The following ZNF45 variants were observed in gnomAD, a reference collection of about 807,000 sequenced individuals.
ZNF45 encodes the protein zinc finger protein 45, also known as BRC1744.
ZNF45 carries 4 observed loss-of-function variants against 12.0 expected under a neutral mutation model. The ratio of observed to expected loss-of-function variants is 0.33; its 90% CI spans 0.16 to 0.76. The LOEUF (loss-of-function observed/expected upper bound fraction) is 0.76, where lower values mean the gene tolerates loss of function less well. Among genes scored for constraint, ZNF45 ranks in the 30% least tolerant of loss-of-function variants. The pLI, the probability that ZNF45 is intolerant of heterozygous loss-of-function variation, is 0.60. For synonymous variants in ZNF45, 272 were observed against 279.6 expected (o/e 0.97, Z 0.27); for missense variants, 700 against 813.0 (o/e 0.86, Z 1.69).
chr19:43,933,596 A>T (rs1256360949), intron 2 of ZNF45, among the ~76,000 whole-genome samples: 1 of 152,248 alleles, frequency 6.6e-6, no homozygotes, highest in Admixed American at 6.5e-5. Flanking sequence ...GAATGGAAGC[A>T]GGGTGACTGT....
intron 6 of ZNF45, among the ~76,000 whole-genome samples, chr19:43,923,298 C>A (rs2147008502): frequency 6.6e-6 from 1 of 152,188 alleles, no homozygotes; most frequent in South Asian, 2.1e-4. Context: ...GTTTCAGTTA[C>A]CTGAAGTCAA....
chr19:43,921,305 A>C (rs1973155432), intron 7 of ZNF45, among the ~76,000 whole-genome samples: 1 of 152,252 alleles, frequency 6.6e-6, no homozygotes, highest in Admixed American at 6.5e-5. Context: ...AAATACAGTA[A>C]GAGAAGTATC....
intron 9 of ZNF45, among the ~76,000 whole-genome samples, chr19:43,917,364 G>T (rs11881193): frequency 0.37 from 56,038 of 152,102 alleles, 11,483 homozygotes; most frequent in South Asian, 0.54. Context: ...CAAACAAATT[G>T]TTCAAATAGA....
Position 43,915,322 on chromosome 19 carries a change from C to T in ZNF45, c.236-122G>A, listed in dbSNP as rs547692232. 12 of 995,498 alleles carry T rather than the reference C, an allele frequency of 1.2e-5. No homozygotes were observed. The African/African-American group carries it at 1.8e-4, about 15-fold the overall frequency. 61.7% of individuals were successfully genotyped at this position (995,498 alleles called of 1,614,324 possible). ...ATTGAACCAGGAGAAGGTTCCATTG[C>T]CTACTGCATAGACATCTGAACAAAG... On this transcript the variant is annotated intron_variant, in intron 9 of 9. Transcript: ENST00000269973.
chr19:43,920,820 T>G (rs57491437), intron 7 of ZNF45, among the ~76,000 whole-genome samples: 1 of 151,976 alleles, frequency 6.6e-6, no homozygotes, highest in Non-Finnish European at 1.5e-5. Flanking sequence ...CAGGCTGGTC[T>G]CGAACTCCTG....
chr19:43,917,419 T>C (rs1467215965), intron 9 of ZNF45, among the ~76,000 whole-genome samples: 3 of 152,224 alleles, frequency 2.0e-5, no homozygotes, highest in Non-Finnish European at 4.4e-5. Flanking sequence ...GATAAATGTG[T>C]TTCCTTTAAG....
chr19:43,923,664 T>C (rs2147024411), intron 6 of ZNF45, among the ~76,000 whole-genome samples: 1 of 152,210 alleles, frequency 6.6e-6, no homozygotes, highest in East Asian at 1.9e-4. Context: ...TTTTAAGTGG[T>C]TACATTCAGT....
intron 9 of ZNF45, among the ~76,000 whole-genome samples, 187 bp from the exon 10 acceptor site, chr19:43,915,387 A>C (rs1336075954): frequency 6.6e-6 from 1 of 152,250 alleles, no homozygotes; most frequent in Non-Finnish European, 1.5e-5. Flanking sequence ...CCTACACATA[A>C]ATTTTCAAAA....
intron 7 of ZNF45, among the ~76,000 whole-genome samples, chr19:43,920,633 C>T (rs1386681230): frequency 1.7e-5 from 2 of 118,008 alleles, no homozygotes; most frequent in African/African-American, 6.2e-5. Flanking sequence ...CAGAGCCTTG[C>T]TCTGTTCCCC....
Position 43,913,683 on chromosome 19 carries a change from G to A in ZNF45, c.1753C>T (p.Arg585Ter), listed in dbSNP as rs745419190. The change falls in exon 10 of 10, where the codon CGA becomes TGA. Residue 585 changes from arginine (R) to a stop codon, truncating the protein, a stop_gained. Transcript: ENST00000269973. LOFTEE classifies it high-confidence loss of function. ...RGVHTGEKPY[R>*]CDVCGKRFRQ... ...AAGCGCTTACCACACACATCACATC[G>A]GTATGGTTTTTCTCCTGTGTGGACT... The A allele has an allele frequency of 1.2e-5, 19 of 1,611,186 alleles. No individual in the cohort carries two copies. Among genetic ancestry groups the A allele is most frequent in the Middle Eastern group, 3.3e-4 (2 of 6,060 alleles).
chr19:43,916,311 T>G (rs1972668775), intron 9 of ZNF45, among the ~76,000 whole-genome samples: 1 of 152,126 alleles, frequency 6.6e-6, no homozygotes, highest in Admixed American at 6.5e-5. Context: ...AGATGGGGTT[T>G]CACCATCTTG....
Position 43,912,912 on chromosome 19 carries a change from A to T in ZNF45, c.*475T>A, listed in dbSNP as rs376999318. Reference sequence around the variant, plus strand: ...ATGGGAAAATCAGGCCATATGACTAACTTATATATCCTCCAAGCCTTGCAG... The same window carrying T: ...ATGGGAAAATCAGGCCATATGACTATCTTATATATCCTCCAAGCCTTGCAG... On this transcript the variant is annotated 3_prime_UTR_variant, in exon 10 of 10. Coordinates refer to ENST00000269973, the MANE Select transcript of ZNF45 (RefSeq NM_003425.4). The T allele has an allele frequency of 7.2e-5, 11 of 153,156 alleles. No individual in the cohort carries two copies. In the East Asian group the frequency reaches 1.2e-3, roughly 16 times the overall value. 9.5% of individuals were successfully genotyped at this position (153,156 alleles called of 1,614,324 possible).
At chr19:43,927,447 T>C (rs1386064057) in intron 3 of ZNF45, among the ~76,000 whole-genome samples, 2 of 152,166 alleles carry the variant, frequency 1.3e-5, no homozygotes, top group South Asian at 2.1e-4. Flanking sequence ...GTCTACTCTG[T>C]GCCAGCCAAG....
chr19:43,924,795 T>G (rs1469637015), intron 4 of ZNF45, among the ~76,000 whole-genome samples: 1 of 152,222 alleles, frequency 6.6e-6, no homozygotes, highest in African/African-American at 2.4e-5. Context: ...TAATGTCTAA[T>G]CTATAAACTG....
rs768056261 is a variant in ZNF45 at position 43,913,382 on chromosome 19, A to G, written c.*5T>C. 1 of 1,528,860 alleles carries G rather than the reference A, an allele frequency of 6.5e-7. No individual in the cohort carries two copies. The allele number at this position is 1,528,860 out of a possible 1,614,324, so 94.7% of individuals were successfully genotyped here. A position where few individuals can be genotyped will look rare whatever the true frequency, so the allele number is the denominator to read the frequency against. On this transcript the variant is annotated 3_prime_UTR_variant, in exon 10 of 10. Coordinates refer to ENST00000269973, the MANE Select transcript of ZNF45 (RefSeq NM_003425.4). ...CAGCACCCATCTGAGATAGTAAAAC[A>G]TATTTTATCGAGTTTTCCTGTGTGA...
intron 3 of ZNF45, among the ~76,000 whole-genome samples, chr19:43,931,844 T>G (rs1333619502): frequency 6.6e-6 from 1 of 152,240 alleles, no homozygotes; most frequent in African/African-American, 2.4e-5. Context: ...TGATTCTGGC[T>G]CTGCCCCGCT....
intron 9 of ZNF45, 136 bp from the exon 10 acceptor site, chr19:43,915,336 A>G (rs1972553906): frequency 1.2e-6 from 1 of 862,318 alleles, no homozygotes. Context: ...CTGCATAGAC[A>G]TCTGAACAAA....
chr19:43,930,634 A>G (rs1974060082), intron 3 of ZNF45, among the ~76,000 whole-genome samples: 1 of 152,166 alleles, frequency 6.6e-6, no homozygotes, highest in South Asian at 2.1e-4. Flanking sequence ...ATGCCCCTAG[A>G]GCTCTCTATA....
chr19:43,935,265 C>T lies in ZNF45; in HGVS notation c.-1097G>A, dbSNP rs1204712089. On this transcript the variant is annotated 5_prime_UTR_variant, in exon 1 of 10. Coordinates refer to ENST00000269973, the MANE Select transcript of ZNF45 (RefSeq NM_003425.4). ...GGAATGAAGGCCGCGCTCTCAACCT[C>T]TTGCCGCGGAAGTGCCCGGGAGAGC... is the stretch of plus-strand genomic sequence containing the variant. 1.3e-5 allele frequency: 2 copies of T among 152,298 alleles called. No homozygotes were observed. The highest frequency in any genetic ancestry group is 4.8e-5 in the African/African-American group (2 of 41,464). 9.4% of individuals were successfully genotyped at this position (152,298 alleles called of 1,614,324 possible). A position where few individuals can be genotyped will look rare whatever the true frequency, so the allele number is the denominator to read the frequency against.
Sources: gnomAD v4.1 joint callset for allele counts (sites outside exome capture counted in the v4.1 genomes callset) on GRCh38, gnomAD v4.1.1 for gene constraint, MANE v1.5 for transcripts, NCBI Gene and HGNC (gene_info 2026-07-23, HGNC 2026-07-21) for gene names.